The following CPLANE1 variants were observed in gnomAD, a reference collection of about 807,000 sequenced individuals.
The protein encoded by CPLANE1 is ciliogenesis and planar polarity effector 1.
CPLANE1 carries 263 observed loss-of-function variants against 362.5 expected under a neutral mutation model. The ratio of observed to expected loss-of-function variants is 0.73; its 90% CI spans 0.66 to 0.80. The LOEUF is 0.80. CPLANE1 is among the 30% of genes least tolerant of loss of function. CPLANE1 has a pLI of 0.00. For synonymous variants in CPLANE1, 1,212 were observed against 1,302.6 expected (o/e 0.93, Z 1.50); for missense variants, 3,461 against 3,793.4 (o/e 0.91, Z 2.30).
intron 46 of CPLANE1, among the ~76,000 whole-genome samples, chr5:37,132,226 C>A (rs1467217953): frequency 6.7e-6 from 1 of 150,354 alleles, no homozygotes; most frequent in East Asian, 1.9e-4. Flanking sequence ...ATAATGAGGT[C>A]TTATAAGTTC....
intron 12 of CPLANE1, 107 bp from the exon 13 acceptor site, chr5:37,224,847 A>G: frequency 1.5e-6 from 1 of 651,058 alleles, no homozygotes; most frequent in Non-Finnish European, 2.7e-6. Context: ...CATCGGTATA[A>G]CATACATACA....
chr5:37,190,582 G>A (rs1785250942), intron 21 of CPLANE1, among the ~76,000 whole-genome samples: 1 of 152,076 alleles, frequency 6.6e-6, no homozygotes, highest in Non-Finnish European at 1.5e-5. Context: ...GCAATGTGTG[G>A]TGGACCTTGA....
intron 26 of CPLANE1, 63 bp downstream of exon 26, chr5:37,182,697 A>G (rs1782989512): frequency 2.0e-6 from 2 of 986,512 alleles, no homozygotes; most frequent in Admixed American, 2.8e-5. Context: ...GGGAAATGTA[A>G]ACATAGTTTT....
chr5:37,158,219 C>T lies in CPLANE1; in HGVS notation c.7812+5G>A, dbSNP rs1775739551. The T allele has an allele frequency of 6.2e-7, 1 of 1,613,010 alleles. No homozygotes were observed. The highest frequency in any genetic ancestry group is 8.5e-7 in the Non-Finnish European group (1 of 1,179,420). ...ATTATTAAAACTTCTGAATAAAACA[C>T]AAACCAAGTTTGTTACTGTATGAGG... On this transcript the variant is annotated splice_donor_5th_base_variant and intron_variant, in intron 39 of 52. Coordinates refer to ENST00000651892, the MANE Select transcript of CPLANE1 (RefSeq NM_001384732.1).
Position 37,244,579 on chromosome 5 carries a change from T to C in CPLANE1, c.366A>G (p.Val122=). ...GCACAATTCTTTTCCCATTTCCAGATACATACAAGTACAGTCTCAAAGAGC... is the reference window on the plus strand; with the variant it reads ...GCACAATTCTTTTCCCATTTCCAGACACATACAAGTACAGTCTCAAAGAGC... ...VASSLRLYLY[V]SGNGKRIVLI... is the part of the protein sequence containing the mutation. Residue 122 remains valine (V), a synonymous_variant, in exon 5 of 53, where the codon GTA becomes GTG. Coordinates refer to ENST00000651892, the MANE Select transcript of CPLANE1 (RefSeq NM_001384732.1). The C allele has an allele frequency of 6.4e-7, 1 of 1,550,646 alleles. No individual in the cohort carries two copies. Among genetic ancestry groups the C allele is most frequent in the Non-Finnish European group, 8.7e-7 (1 of 1,146,572 alleles).
rs1296867445 is a variant in CPLANE1 at position 37,169,325 on chromosome 5, T to C, written c.6699A>G (p.Lys2233=). 1 of 1,614,180 alleles carries C rather than the reference T, an allele frequency of 6.2e-7. No homozygotes were observed. Residue 2233 remains lysine (K), a synonymous_variant, in exon 34 of 53, where the codon AAA becomes AAG. Coordinates refer to ENST00000651892, the MANE Select transcript of CPLANE1 (RefSeq NM_001384732.1). The stretch of plus-strand genomic sequence containing the variant: ...GTAAGAAAAGGGGCTGGAATTCTTG[T>C]TTAGACTTAAATTGAAGCAAAGGAA... ...DGFPLLQFKS[K]QEFQPLFLHT... is the part of the protein sequence containing the mutation.
intron 6 of CPLANE1, among the ~76,000 whole-genome samples, chr5:37,241,792 A>G (rs1800572795): frequency 6.6e-6 from 1 of 151,710 alleles, no homozygotes; most frequent in African/African-American, 2.4e-5. Context: ...ATGCTCAGCT[A>G]ATTTTTTTTA....
At chr5:37,133,359 T>G (rs747408539) in intron 46 of CPLANE1, among the ~76,000 whole-genome samples, 4 of 152,168 alleles carry the variant, frequency 2.6e-5, no homozygotes, top group Admixed American at 1.3e-4. Context: ...ATAGATTGCT[T>G]TGGGCAGTAT....
intron 31 of CPLANE1, among the ~76,000 whole-genome samples, chr5:37,175,460 T>G (rs898732789): frequency 6.6e-6 from 1 of 152,212 alleles, no homozygotes; most frequent in African/African-American, 2.4e-5. Flanking sequence ...ATTCTAACTA[T>G]GAAAATTTTT....
At chr5:37,215,767 G>C (rs1254368606) in intron 15 of CPLANE1, among the ~76,000 whole-genome samples, 1 of 85,392 alleles carries the variant, frequency 1.2e-5, no homozygotes, top group East Asian at 3.6e-4. Context: ...TTTTTTTGAA[G>C]ATAAACGGGG....
chr5:37,187,127 T>C (rs1784310545), intron 23 of CPLANE1, among the ~76,000 whole-genome samples: 1 of 149,724 alleles, frequency 6.7e-6, no homozygotes, highest in South Asian at 2.1e-4. Context: ...CTAGAACTTA[T>C]TCATCTTGTA....
chr5:37,205,632 G>T (rs1790497367), intron 17 of CPLANE1, among the ~76,000 whole-genome samples, 178 bp from the exon 18 acceptor site: 1 of 152,170 alleles, frequency 6.6e-6, no homozygotes. Flanking sequence ...CCACGATTAT[G>T]ATCCTAATAT....
At chr5:37,093,231 A>C in the CPLANE1 span, among the ~76,000 whole-genome samples, 1 of 152,220 alleles carries the variant, frequency 6.6e-6, no homozygotes, top group East Asian at 1.9e-4. Context: ...AAACGTGTCT[A>C]ATGAACTTCT....
intron 37 of CPLANE1, among the ~76,000 whole-genome samples, chr5:37,163,057 G>C (rs1019439362): frequency 6.6e-6 from 1 of 152,200 alleles, no homozygotes; most frequent in African/African-American, 2.4e-5. Flanking sequence ...AAACTGTTGA[G>C]GACTCTGCAC....
At chr5:37,172,998 T>C (rs1780223690) in intron 32 of CPLANE1, among the ~76,000 whole-genome samples, 1 of 151,724 alleles carries the variant, frequency 6.6e-6, no homozygotes, top group African/African-American at 2.4e-5. Flanking sequence ...AATAAAAATA[T>C]AAAAAAAATT....
At chr5:37,194,797 T>C (rs1388042053) in intron 21 of CPLANE1, among the ~76,000 whole-genome samples, 1 of 151,790 alleles carries the variant, frequency 6.6e-6, no homozygotes, top group Non-Finnish European at 1.5e-5. Context: ...GCCTCCCAAG[T>C]ACCTGGGATT....
At chr5:37,194,641 G>C (rs937015385) in intron 21 of CPLANE1, among the ~76,000 whole-genome samples, 9 of 151,306 alleles carry the variant, frequency 5.9e-5, no homozygotes, top group Non-Finnish European at 1.0e-4. Flanking sequence ...CTAAGGGTGA[G>C]TGAGTTAAGA....
At chr5:37,246,685 C>A (rs1739784263) in intron 2 of CPLANE1, among the ~76,000 whole-genome samples, 1 of 152,110 alleles carries the variant, frequency 6.6e-6, no homozygotes, top group Admixed American at 6.5e-5. Context: ...ATCAGCAACA[C>A]CTCAGAAGTG....
intron 8 of CPLANE1, among the ~76,000 whole-genome samples, chr5:37,232,554 C>T (rs1269303650): frequency 6.7e-6 from 1 of 150,094 alleles, no homozygotes; most frequent in Non-Finnish European, 1.5e-5. Flanking sequence ...TAGGCTCTCT[C>T]GGCCAGGTGC....
Sources: gnomAD v4.1 joint callset for allele counts (sites outside exome capture counted in the v4.1 genomes callset) on GRCh38, gnomAD v4.1.1 for gene constraint, MANE v1.5 for transcripts, NCBI Gene and HGNC (gene_info 2026-07-23, HGNC 2026-07-21) for gene names.